JMJD1C: variants seen among roughly 807,000 people sequenced by gnomAD.
JMJD1C encodes jumonji domain-containing protein 1C.
Under a neutral mutation model 245.3 loss-of-function variants are expected in JMJD1C, and 31 were observed. The observed-to-expected ratio is 0.13, with a 90% confidence interval of 0.09 to 0.17. JMJD1C has a LOEUF of 0.17. Ranked by LOEUF, JMJD1C falls within the 10% of genes least tolerant of loss-of-function variation. The pLI, the probability that JMJD1C is intolerant of heterozygous loss-of-function variation, is 1.00. For synonymous variants in JMJD1C, 1,057 were observed against 1,017.4 expected (o/e 1.04, Z -0.74); for missense variants, 2,691 against 3,000.2 (o/e 0.90, Z 2.41).
intron 2 of JMJD1C, among the ~76,000 whole-genome samples, chr10:63,266,975 A>G (rs980494502): frequency 6.6e-6 from 1 of 152,192 alleles, no homozygotes; most frequent in Non-Finnish European, 1.5e-5. Context: ...ATTTGAAAAA[A>G]GGATTTCTAA....
chr10:63,344,700 A>G (rs1443619782), intron 2 of JMJD1C, among the ~76,000 whole-genome samples: 3 of 152,154 alleles, frequency 2.0e-5, no homozygotes, highest in Non-Finnish European at 2.9e-5. Context: ...AAAATAAGAA[A>G]AACAACAAAA....
chr10:63,500,770 T>A (rs1385972415), intron 1 of JMJD1C, among the ~76,000 whole-genome samples: 1 of 151,382 alleles, frequency 6.6e-6, no homozygotes. Flanking sequence ...GATGGATGGA[T>A]GGATGGATGG....
At chr10:63,511,288 G>A (rs72837062) in intron 1 of JMJD1C, among the ~76,000 whole-genome samples, 15,739 of 152,156 alleles carry the variant, frequency 0.1, 1,148 homozygotes, top group Non-Finnish European at 0.16. Flanking sequence ...TTTTAACTGA[G>A]CACATTATAT....
chr10:63,465,435 A>T lies in JMJD1C; in HGVS notation c.168+60T>A, dbSNP rs976262468. On this transcript the variant is annotated intron_variant, in intron 1 of 25. Coordinates refer to ENST00000399262, the MANE Select transcript of JMJD1C (RefSeq NM_032776.3). The stretch of plus-strand genomic sequence containing the variant: ...GGCGCCAGAGGGAAGCCTGCAAGGT[A>T]CGTCTGCGAGAGCCGGGTGCGGGCG... 7 of 1,475,484 alleles carry T rather than the reference A, an allele frequency of 4.7e-6. No individual in the cohort carries two copies. In the African/African-American group the frequency reaches 9.6e-5, roughly 20 times the overall value. The allele number at this position is 1,475,484 out of a possible 1,614,324, so 91.4% of individuals were successfully genotyped here.
intron 2 of JMJD1C, among the ~76,000 whole-genome samples, chr10:63,334,006 TAAAA>T (rs1040065517): frequency 1.2e-4 from 18 of 152,226 alleles, no homozygotes; most frequent in Admixed American, 1.1e-3. Flanking sequence ...GGTATACTGA[TAAAA>T]AGAAAGTAAG....
chr10:63,394,672 C>G (rs1306004045), intron 1 of JMJD1C, among the ~76,000 whole-genome samples: 1 of 152,046 alleles, frequency 6.6e-6, no homozygotes, highest in Non-Finnish European at 1.5e-5. Context: ...TGGAGAAACC[C>G]TGTGTCTACT....
At chr10:63,362,804 T>C (rs533228488) in intron 2 of JMJD1C, among the ~76,000 whole-genome samples, 27 of 152,168 alleles carry the variant, frequency 1.8e-4, no homozygotes, top group African/African-American at 6.3e-4. Context: ...TTATATATAA[T>C]TCCTAAAATA....
At chr10:63,387,816 T>C (rs917514507) in intron 1 of JMJD1C, among the ~76,000 whole-genome samples, 2 of 151,542 alleles carry the variant, frequency 1.3e-5, no homozygotes, top group African/African-American at 4.9e-5. Context: ...TTTGTATTTT[T>C]AGTAGAGACG....
chr10:63,326,795 C>T (rs1253863637), intron 2 of JMJD1C, among the ~76,000 whole-genome samples: 1 of 152,196 alleles, frequency 6.6e-6, no homozygotes, highest in Admixed American at 6.5e-5. Context: ...AGGAGAATTG[C>T]TTGAACCCAG....
At position 63,281,315 on chromosome 10, in the gene JMJD1C, T is replaced by G. The variant is rs548763525; in HGVS notation, c.334-16551A>C. On this transcript the variant is annotated intron_variant, in intron 2 of 25. Coordinates refer to ENST00000399262, the MANE Select transcript of JMJD1C (RefSeq NM_032776.3). Reference sequence around the variant, plus strand: ...ATGCCCGGCTAATTTTTCTGTTTTTTTTTTTTGTTTGTTTTTTGTTTTTTT... The same window carrying G: ...ATGCCCGGCTAATTTTTCTGTTTTTGTTTTTTGTTTGTTTTTTGTTTTTTT... 1.4e-4 allele frequency among the ~76,000 whole-genome samples: 20 copies of G among 145,470 alleles called. No homozygotes were observed. The East Asian group carries it at 2.6e-3, about 19-fold the overall frequency.
At chr10:63,353,925 C>T (rs1039064242) in intron 2 of JMJD1C, among the ~76,000 whole-genome samples, 2 of 152,082 alleles carry the variant, frequency 1.3e-5, no homozygotes, top group Non-Finnish European at 2.9e-5. Context: ...ACTGCAACCT[C>T]CGCCTCCCAG....
chr10:63,417,445 G>GC (rs1949873933), intron 1 of JMJD1C, among the ~76,000 whole-genome samples: 1 of 152,078 alleles, frequency 6.6e-6, no homozygotes, highest in African/African-American at 2.4e-5. Flanking sequence ...TTTAAAATAT[G>GC]CCCCTTTTTA....
intron 2 of JMJD1C, among the ~76,000 whole-genome samples, chr10:63,293,508 CTTCT>C (rs1198783917): frequency 2.6e-5 from 4 of 151,926 alleles, no homozygotes; most frequent in Non-Finnish European, 4.4e-5. Flanking sequence ...TTTGTTTTTC[CTTCT>C]TTATCAAAAA....
At chr10:63,430,911 T>TTTTTG (rs1242811134) in intron 1 of JMJD1C, among the ~76,000 whole-genome samples, 2 of 152,180 alleles carry the variant, frequency 1.3e-5, no homozygotes, top group African/African-American at 2.4e-5. Flanking sequence ...TACCGGCTAA[T>TTTTTG]TTTTGTTTTG....
At chr10:63,444,002 G>C (rs2132950568) in intron 1 of JMJD1C, among the ~76,000 whole-genome samples, 1 of 152,304 alleles carries the variant, frequency 6.6e-6, no homozygotes, top group East Asian at 1.9e-4. Context: ...ACTAGAAGTA[G>C]AAATTTCTTG....
chr10:63,448,344 G>T (rs1253802912), intron 1 of JMJD1C, among the ~76,000 whole-genome samples: 1 of 151,842 alleles, frequency 6.6e-6, no homozygotes, highest in Non-Finnish European at 1.5e-5. Context: ...TTTAATAGAG[G>T]CGAGGTTTCA....
intron 2 of JMJD1C, among the ~76,000 whole-genome samples, chr10:63,375,212 G>C (rs1946635677): frequency 8.0e-6 from 1 of 124,828 alleles, no homozygotes; most frequent in South Asian, 2.5e-4. Flanking sequence ...TTTGAGGCAA[G>C]GTCTTGGTTT....
rs151183153 is a variant in JMJD1C, at chr10:63,183,636, C to A, written c.6962-67G>T. 1,126 of 937,258 alleles carry A rather than the reference C, an allele frequency of 1.2e-3. 8 individuals carry two copies. In the African/African-American group the frequency reaches 0.017, roughly 14 times the overall value. The allele number at this position is 937,258 out of a possible 1,614,324, so 58.1% of individuals were successfully genotyped here. ...ATATGTAATAGCATAATCAGATATT[C>A]CCCCAAATTAGCTCGATCTGCATAA... On this transcript the variant is annotated intron_variant, in intron 21 of 25. Transcript: ENST00000399262.
At chr10:63,501,342 AAG>A in intron 1 of JMJD1C, among the ~76,000 whole-genome samples, 1 of 152,354 alleles carries the variant, frequency 6.6e-6, no homozygotes, top group South Asian at 2.1e-4. Context: ...GACTGTGAAA[AAG>A]ATACTGATGT....
Sources: allele counts gnomAD v4.1 joint callset (sites outside exome capture counted in the v4.1 genomes callset), GRCh38; gene constraint gnomAD v4.1.1; transcripts MANE v1.5; gene names NCBI Gene and HGNC (gene_info 2026-07-23, HGNC 2026-07-21).